PCDHGB6: variants seen among roughly 807,000 people sequenced by gnomAD.
PCDHGB6 encodes protocadherin gamma-B6.
In PCDHGB6, 51 loss-of-function variants were observed where a neutral mutation model predicts 59.1. The ratio of observed to expected loss-of-function variants is 0.86; its 90% CI spans 0.69 to 1.09. The LOEUF (loss-of-function observed/expected upper bound fraction) is 1.09. Among genes scored for constraint, PCDHGB6 ranks in the 50% least tolerant of loss-of-function variants. The pLI is 0.00. For missense variants in PCDHGB6, 1,148 were observed against 1,205.1 expected (o/e 0.95, Z 0.70); for synonymous variants, 466 against 495.1 (o/e 0.94, Z 0.78).
intron 1 of PCDHGB6, chr5:141,419,373 TGTCC>T (rs761256298): frequency 6.2e-7 from 1 of 1,613,754 alleles, no homozygotes; most frequent in South Asian, 1.1e-5. Context: ...TCGTCCTACG[TGTCC>T]GTGAGCGCGC....
At chr5:141,478,936 G>A in intron 1 of PCDHGB6, 1 of 633,220 alleles carries the variant, frequency 1.6e-6, no homozygotes, top group African/African-American at 1.9e-5. Context: ...GCAGCTTCTA[G>A]GAATACAAAA....
chr5:141,469,868 C>T (rs749624047), intron 1 of PCDHGB6, among the ~76,000 whole-genome samples: 6 of 152,228 alleles, frequency 3.9e-5, no homozygotes, highest in Non-Finnish European at 7.3e-5. Flanking sequence ...CAATGGCTCA[C>T]GCCTGTAATC....
intron 1 of PCDHGB6, among the ~76,000 whole-genome samples, chr5:141,459,249 A>G (rs901058693): frequency 6.6e-6 from 1 of 152,218 alleles, no homozygotes; most frequent in Non-Finnish European, 1.5e-5. Flanking sequence ...TCCTGTCACT[A>G]TAAATTAGTG....
chr5:141,494,153 G>T (rs2099752286), intron 1 of PCDHGB6, among the ~76,000 whole-genome samples: 1 of 152,186 alleles, frequency 6.6e-6, no homozygotes, highest in Non-Finnish European at 1.5e-5. Flanking sequence ...CCATTGTCTG[G>T]CACGGAGTTC....
chr5:141,501,290 T>TACACAC lies in PCDHGB6; in HGVS notation c.2478-4064_2478-4059dup, dbSNP rs55762287. Among the ~76,000 whole-genome samples the TACACAC allele has an allele frequency of 5.7e-3, 774 of 136,224 alleles. 5 individuals are homozygous for TACACAC. The highest frequency in any genetic ancestry group is 9.9e-3 in the African/African-American group (361 of 36,504). The allele number at this position is 136,224 out of a possible 152,430, so 89.4% of individuals were successfully genotyped here. A position where few individuals can be genotyped will look rare whatever the true frequency, so the allele number is the denominator to read the frequency against. ...GTCCAGTCTATGGGATATTCCCTTA[T>TACACAC]ACACACACACACACACACACACACA... On this transcript the variant is annotated intron_variant, in intron 2 of 3. Transcript: ENST00000520790.
rs778198822 is a variant in PCDHGB6 at position 141,432,802 on chromosome 5, A to G, written c.2418+22182A>G. 29 of 1,613,964 alleles carry G rather than the reference A, an allele frequency of 1.8e-5. No individual in the cohort carries two copies. The African/African-American group carries it at 3.6e-4, about 20-fold the overall frequency. On this transcript the variant is annotated intron_variant, in intron 1 of 3. Coordinates refer to ENST00000520790, the MANE Select transcript of PCDHGB6 (RefSeq NM_018926.3). This position sits in a 1 kb window ranked among gnomAD's most constrained non-coding sequence, Gnocchi z 6.0. ...CGGACCTCGGCAGCCTCGAGTCTCC[A>G]GCTAACTCTGAAACCTCAGACCTCA...
intron 1 of PCDHGB6, among the ~76,000 whole-genome samples, chr5:141,463,783 C>T (rs1395035313): frequency 1.3e-5 from 2 of 152,138 alleles, no homozygotes; most frequent in African/African-American, 4.8e-5. Flanking sequence ...CCTGCACTGT[C>T]TTTTGAACAA....
intron 1 of PCDHGB6, among the ~76,000 whole-genome samples, chr5:141,449,520 C>T (rs1384869748): frequency 1.4e-5 from 2 of 144,104 alleles, no homozygotes; most frequent in Non-Finnish European, 1.5e-5. Context: ...ACCTGGGAGG[C>T]GGAGGTTGCA....
At position 141,489,586 on chromosome 5, in the gene PCDHGB6, C is replaced by T; in HGVS notation, c.2419-5221C>T. 1 of 1,614,082 alleles carries T rather than the reference C, an allele frequency of 6.2e-7. No individual in the cohort carries two copies. The highest frequency in any genetic ancestry group is 8.5e-7 in the Non-Finnish European group (1 of 1,179,988). On this transcript the variant is annotated intron_variant, in intron 1 of 3. Coordinates refer to ENST00000520790, the MANE Select transcript of PCDHGB6 (RefSeq NM_018926.3). This position sits in a 1 kb window ranked among gnomAD's most constrained non-coding sequence, Gnocchi z 4.5. ...GGTGGTGACTGAACACCCCCTGGAG[C>T]TAATCCGTGTAGAGGTAGAGATCCT...
chr5:141,423,775 T>A, intron 1 of PCDHGB6: 1 of 1,209,960 alleles, frequency 8.3e-7, no homozygotes, highest in Non-Finnish European at 1.1e-6. Context: ...GCGGCATATA[T>A]TTAGTTCATA....
chr5:141,477,315 C>G lies in PCDHGB6; in HGVS notation c.2419-17492C>G. 2 of 1,614,188 alleles carry G rather than the reference C, an allele frequency of 1.2e-6. No individual in the cohort carries two copies. Among genetic ancestry groups the G allele is most frequent in the African/African-American group, 2.7e-5 (2 of 75,042 alleles). On this transcript the variant is annotated intron_variant, in intron 1 of 3. Coordinates refer to ENST00000520790, the MANE Select transcript of PCDHGB6 (RefSeq NM_018926.3). The surrounding 1 kb of genome is among the most constrained non-coding windows in gnomAD (Gnocchi z 4.9). ...CCACCGGGTCTCCCTTTCAGCCTTA[C>G]TTCTTCCCTCAAGAATTACTTCACT...
chr5:141,478,142 G>T (rs774271595), intron 1 of PCDHGB6: 8 of 1,613,988 alleles, frequency 5.0e-6, no homozygotes, highest in Non-Finnish European at 6.8e-6. Flanking sequence ...AGCCCGAGCC[G>T]AGTTCCCCTC....
intron 1 of PCDHGB6, among the ~76,000 whole-genome samples, chr5:141,436,350 C>T (rs1034303123): frequency 5.9e-5 from 9 of 152,126 alleles, no homozygotes; most frequent in Non-Finnish European, 1.3e-4. Flanking sequence ...TCAGTGACTT[C>T]AATCAACTAT....
rs1399077321 is a variant in PCDHGB6, at chr5:141,474,090, AAAC to A, written c.2419-20708_2419-20706del. Among the ~76,000 whole-genome samples the A allele has an allele frequency of 2.6e-5, 4 of 152,206 alleles. No individual in the cohort carries two copies. In the East Asian group the frequency reaches 5.8e-4, roughly 22 times the overall value. On this transcript the variant is annotated intron_variant, in intron 1 of 3. Coordinates refer to ENST00000520790, the MANE Select transcript of PCDHGB6 (RefSeq NM_018926.3). ...GCCTCAGAAACAAAAACCAAAAAAC[AAAC>A]AACAACAAAAACAACAACAACGAAA...
chr5:141,409,496 C>CT lies in PCDHGB6; in HGVS notation c.1297dup (p.Ser433PhefsTer4), dbSNP rs1276498782. 1 of 1,614,044 alleles carries CT rather than the reference C, an allele frequency of 6.2e-7. No homozygotes were observed. Among genetic ancestry groups the CT allele is most frequent in the South Asian group, 1.1e-5 (1 of 91,092 alleles). On this transcript the variant is annotated frameshift_variant, in exon 1 of 4. Coordinates refer to ENST00000520790, the MANE Select transcript of PCDHGB6 (RefSeq NM_018926.3). LOFTEE classifies it high-confidence loss of function. The stretch of plus-strand genomic sequence containing the variant: ...AGCCACTGACAGGGGCAAGCCGCCT[C>CT]TTTCTTCCAGTAGAAGCATCACCTT...
chr5:141,409,624 G>C lies in PCDHGB6; in HGVS notation c.1422G>C (p.Val474=), dbSNP rs747166507. 11 of 1,613,728 alleles carry C rather than the reference G, an allele frequency of 6.8e-6. No homozygotes were observed. The South Asian group carries it at 8.8e-5, about 13-fold the overall frequency. Residue 474 remains valine, a synonymous_variant, in exon 1 of 4, where the codon GTG becomes GTC. Transcript: ENST00000520790. The stretch of plus-strand genomic sequence containing the variant: ...CGCCAGGAGCCTCCATTGCGCAAGT[G>C]AGCGCCTCTGACCCGGATTTGGGGC... The part of the protein sequence containing the change: ...NNPPGASIAQ[V]SASDPDLGLN...
chr5:141,419,759 G>A (rs1179602962), intron 1 of PCDHGB6: 2 of 1,614,004 alleles, frequency 1.2e-6, no homozygotes, highest in Admixed American at 3.3e-5. Context: ...TGCTTTGGGT[G>A]ACAAGGACTC....
intron 1 of PCDHGB6, chr5:141,430,923 A>C (rs2097325574): frequency 6.2e-7 from 1 of 1,607,168 alleles, no homozygotes; most frequent in African/African-American, 1.3e-5. Context: ...CTGGGGCTGG[A>C]GCCCCGGGAG....
chr5:141,419,698 G>A, intron 1 of PCDHGB6: 1 of 1,612,978 alleles, frequency 6.2e-7, no homozygotes, highest in Non-Finnish European at 8.5e-7. Context: ...AGGCCAGTGA[G>A]CCCGGGCTCT....
Sources: allele counts gnomAD v4.1 joint callset (sites outside exome capture counted in the v4.1 genomes callset), GRCh38; gene constraint gnomAD v4.1.1; non-coding constraint Gnocchi (gnomAD v3.1); transcripts MANE v1.5; gene names NCBI Gene and HGNC (gene_info 2026-07-23, HGNC 2026-07-21).